The following PFAS variants were observed in gnomAD, a reference collection of about 807,000 sequenced individuals.
PFAS encodes the protein phosphoribosylformylglycinamidine synthase.
PFAS carries 97 observed loss-of-function variants against 140.6 expected under a neutral mutation model. The observed-to-expected ratio is 0.69, with a 90% confidence interval of 0.59 to 0.82. The LOEUF (loss-of-function observed/expected upper bound fraction) is 0.82. Among genes scored for constraint, PFAS ranks in the 40% least tolerant of loss-of-function variants. The probability of loss-of-function intolerance (pLI) is 0.00; values close to 1 mark genes in which losing one functional copy is unlikely to be tolerated. For missense variants in PFAS, 1,656 were observed against 1,780.2 expected, an observed-to-expected ratio of 0.93 and a Z score of 1.26; for synonymous variants, 679 against 718.8, an observed-to-expected ratio of 0.94 and a Z score of 0.88.
In PFAS at chr17:8,268,621, GTGT is replaced by G; in HGVS notation, c.3472_3474del (p.Cys1158del). On this transcript the variant is annotated inframe_deletion, in exon 27 of 28. Coordinates refer to ENST00000314666, the MANE Select transcript of PFAS (RefSeq NM_012393.3). ...GGCCAGACACCTTCAGCCTGGGCGT[GTGT>G]AATGGCTGTCAACTGCTGGCTCTGC... 1 of 1,613,734 alleles carries G rather than the reference GTGT, an allele frequency of 6.2e-7. No individual in the cohort carries two copies. The highest frequency in any genetic ancestry group is 8.5e-7 in the Non-Finnish European group (1 of 1,179,992).
chr17:8,257,834 G>C lies in PFAS; in HGVS notation c.1103G>C (p.Ser368Thr), dbSNP rs1338437197. Residue 368 changes from serine (S) to threonine (T), a missense_variant, in exon 10 of 28, where the codon AGC becomes ACC. Transcript: ENST00000314666. ...TACAATCTGCCCTGGGAGGATCCAA[G>C]CTTCCAGTATCCTGGGAATTTTGCC... ...PGYNLPWEDP[S>T]FQYPGNFARP... 6.2e-7 allele frequency: 1 copy of C among 1,613,858 alleles called. No individual in the cohort carries two copies. The highest frequency in any genetic ancestry group is 8.5e-7 in the Non-Finnish European group (1 of 1,179,772).
intron 15 of PFAS, 53 bp downstream of exon 15, chr17:8,263,989 TG>T: frequency 6.3e-7 from 1 of 1,587,020 alleles, no homozygotes; most frequent in South Asian, 1.1e-5. Context: ...ATGAGCCACC[TG>T]GGTATGGGCT....
At chr17:8,264,167 G>A in intron 15 of PFAS, 45 bp from the exon 16 acceptor site, 1 of 1,609,656 alleles carries the variant, frequency 6.2e-7, no homozygotes, top group Non-Finnish European at 8.5e-7. Context: ...CCTTGCTGGT[G>A]TTCATAGTCT....
rs780733212 is a variant in PFAS, at chr17:8,255,839, C to T, written c.609C>T (p.Tyr203=). 4 of 1,613,990 alleles carry T rather than the reference C, an allele frequency of 2.5e-6. No individual in the cohort carries two copies. The highest frequency in any genetic ancestry group is 1.1e-5 in the South Asian group (1 of 91,084). ...TAGACTCTTGGGACCTAGACTTCTA[C>T]ACCAAGCGCTTCCAGGAGCTACAGC... The part of the protein sequence containing the change: ...LALDSWDLDF[Y]TKRFQELQRN... The change falls in exon 6 of 28, where the codon TAC becomes TAT. Residue 203 remains tyrosine (Y), a synonymous_variant. Transcript: ENST00000314666.
At chr17:8,254,532 G>A (rs991811357) in intron 3 of PFAS, among the ~76,000 whole-genome samples, 5 of 152,276 alleles carry the variant, frequency 3.3e-5, no homozygotes, top group South Asian at 2.1e-4. Flanking sequence ...GGCCAGGCGC[G>A]GTGGCTCACG....
chr17:8,259,209 T>A (rs1989495757), intron 11 of PFAS, among the ~76,000 whole-genome samples: 1 of 150,592 alleles, frequency 6.6e-6, no homozygotes, highest in Admixed American at 6.7e-5. Flanking sequence ...TTAGGTAAAC[T>A]TTTTTTTCTC....
In PFAS at chr17:8,264,034, G is replaced by A. The variant is rs545596577; in HGVS notation, c.1791+98G>A. 41 of 1,500,196 alleles carry A rather than the reference G, an allele frequency of 2.7e-5. No homozygotes were observed. In the African/African-American group the frequency reaches 4.4e-4, roughly 16 times the overall value. The allele number at this position is 1,500,196 out of a possible 1,614,324, so 92.9% of individuals were successfully genotyped here. A position where few individuals can be genotyped will look rare whatever the true frequency, so the allele number is the denominator to read the frequency against. The stretch of plus-strand genomic sequence containing the variant: ...AGCTGTCAAGGGAGAGAGACGAGAG[G>A]AAGATGGGAGGTAGTGGCAAACAAG... On this transcript the variant is annotated intron_variant, in intron 15 of 27. Coordinates refer to ENST00000314666, the MANE Select transcript of PFAS (RefSeq NM_012393.3).
chr17:8,261,331 G>A (rs1286599438), intron 11 of PFAS, among the ~76,000 whole-genome samples: 1 of 151,264 alleles, frequency 6.6e-6, no homozygotes, highest in Non-Finnish European at 1.5e-5. Flanking sequence ...CCGCCTCCCG[G>A]GTTCAAGCAA....
rs1409264416 is a variant in PFAS, at chr17:8,267,384, C to G, written c.3188C>G (p.Pro1063Arg). Residue 1063 changes from proline (P) to arginine (R), a missense_variant, in exon 25 of 28, where the codon CCC (proline) becomes CGC (arginine). Coordinates refer to ENST00000314666, the MANE Select transcript of PFAS (RefSeq NM_012393.3). The surrounding 1 kb of genome is among the most constrained non-coding windows in gnomAD (Gnocchi z 4.9). ...ATTCTCCCCCAAGGTGGTCCCAGCCCCCGAGTCGCCATCTTGCGAGAGGAG... is the reference window on the plus strand; with the variant it reads ...ATTCTCCCCCAAGGTGGTCCCAGCCGCCGAGTCGCCATCTTGCGAGAGGAG... The part of the protein sequence containing the change: ...SVPREPGGPS[P>R]RVAILREEGS... 6.2e-7 allele frequency: 1 copy of G among 1,613,912 alleles called. No individual in the cohort carries two copies. The highest frequency in any genetic ancestry group is 2.2e-5 in the East Asian group (1 of 44,892).
chr17:8,256,163 T>C (rs536762793), intron 6 of PFAS, 104 bp from the exon 7 acceptor site: 4 of 1,098,832 alleles, frequency 3.6e-6, no homozygotes, highest in Non-Finnish European at 5.2e-6. Flanking sequence ...CATCTAAGTA[T>C]GAATTTGGCT....
In PFAS at chr17:8,266,180, G is replaced by A; in HGVS notation, c.2702-54G>A. ...ATGGACTGACTCCGGAAGGTGGGGT[G>A]GGGCTGTCAGGTTTGGGTCCCGAGG... On this transcript the variant is annotated intron_variant, in intron 21 of 27. Coordinates refer to ENST00000314666, the MANE Select transcript of PFAS (RefSeq NM_012393.3). This position sits in a 1 kb window ranked among gnomAD's most constrained non-coding sequence, Gnocchi z 5.0. 4 of 1,606,336 alleles carry A rather than the reference G, an allele frequency of 2.5e-6. No individual in the cohort carries two copies. The highest frequency in any genetic ancestry group is 1.7e-5 in the Admixed American group (1 of 59,590).
intron 20 of PFAS, 95 bp downstream of exon 20, chr17:8,265,734 C>T: frequency 7.3e-7 from 1 of 1,363,164 alleles, no homozygotes; most frequent in South Asian, 1.2e-5. Context: ...CAACACTGGG[C>T]TGTGGTGTTT....
At chr17:8,261,298 G>A (rs183883223) in intron 11 of PFAS, among the ~76,000 whole-genome samples, 172 of 151,276 alleles carry the variant, frequency 1.1e-3, no homozygotes, top group African/African-American at 3.8e-3. Context: ...GTGCAATGGC[G>A]CAATCTCAGC....
Position 8,255,631 on chromosome 17 carries a change from G to T in PFAS, c.514G>T (p.Gly172Cys). Residue 172 changes from glycine (G) to cysteine (C), a missense_variant, in exon 5 of 28, where the codon GGC becomes TGC. This residue lies in a region of PFAS where 773 missense variants were observed against 757.3 expected (regional missense o/e 1.02). Transcript: ENST00000314666. ...TGAGAGCATGCCGGAACCCCTCAAT[G>T]GCCCTATCAATATACTGGGTGAGGG... is the stretch of plus-strand genomic sequence containing the variant. ...SPESMPEPLN[G>C]PINILGEGRL... The T allele has an allele frequency of 6.3e-7, 1 of 1,581,804 alleles. No individual in the cohort carries two copies. Among genetic ancestry groups the T allele is most frequent in the Non-Finnish European group, 8.6e-7 (1 of 1,166,842 alleles).
chr17:8,254,121 G>A, intron 2 of PFAS, 42 bp downstream of exon 2: 2 of 1,613,888 alleles, frequency 1.2e-6, no homozygotes, highest in Non-Finnish European at 8.5e-7. Flanking sequence ...ATGCCTCGGT[G>A]CTGGGGGCAG....
At position 8,253,603 on chromosome 17, in the gene PFAS, G is replaced by A. The variant is rs187393976; in HGVS notation, c.-79-256G>A. Among the ~76,000 whole-genome samples, 1,144 of 152,174 alleles carry A rather than the reference G, an allele frequency of 7.5e-3. 3 individuals carry two copies. Among genetic ancestry groups the A allele is most frequent in the Non-Finnish European group, 0.011 (756 of 68,000 alleles). On this transcript the variant is annotated intron_variant, in intron 1 of 27. Coordinates refer to ENST00000314666, the MANE Select transcript of PFAS (RefSeq NM_012393.3). Reference sequence around the variant, plus strand: ...TGCCCAGGCTGGAGTGCAATGGCGCGATCTCGGCTCACTGCAACCTCTGCC... The same window carrying A: ...TGCCCAGGCTGGAGTGCAATGGCGCAATCTCGGCTCACTGCAACCTCTGCC...
intron 19 of PFAS, 29 bp downstream of exon 19, chr17:8,265,497 G>A (rs371306026): frequency 1.1e-5 from 18 of 1,613,166 alleles, no homozygotes; most frequent in Non-Finnish European, 1.4e-5. Flanking sequence ...AGGGAGGGGA[G>A]GAGGAACTAT....
At position 8,254,091 on chromosome 17, in the gene PFAS, G is replaced by A. The variant is rs1409875075; in HGVS notation, c.142+12G>A. On this transcript the variant is annotated intron_variant, in intron 2 of 27. Transcript: ENST00000314666. ...CGTGAACTGGACAGGTTGGGCCCAG[G>A]TATTAGATTCTTGGGGGACATGCCT... 5.0e-6 allele frequency: 8 copies of A among 1,613,854 alleles called. No homozygotes were observed. The highest frequency in any genetic ancestry group is 6.8e-6 in the Non-Finnish European group (8 of 1,179,870).
chr17:8,268,835 G>C lies in PFAS; in HGVS notation c.3685G>C (p.Val1229Leu). ...LRGMEGAVLPVWSAHGEGYVA... is the reference protein window; with the variant it reads ...LRGMEGAVLPLWSAHGEGYVA... ...AGGGATGGAGGGCGCCGTGCTGCCC[G>C]TGTGGAGTGCGCACGGGGAAGGTCA... Residue 1229 changes from valine to leucine, a missense_variant, in exon 27 of 28, where the codon GTG becomes CTG. By Grantham distance (32) the Val-to-Leu change is conservative. Transcript: ENST00000314666. The C allele has an allele frequency of 6.2e-7, 1 of 1,608,456 alleles. No individual in the cohort carries two copies. Among genetic ancestry groups the C allele is most frequent in the Non-Finnish European group, 8.5e-7 (1 of 1,179,868 alleles).
Sources: gnomAD v4.1 joint callset for allele counts (sites outside exome capture counted in the v4.1 genomes callset) on GRCh38, gnomAD v4.1.1 for gene constraint, gnomAD v4.1.1 regional missense constraint, Gnocchi (gnomAD v3.1) non-coding constraint, MANE v1.5 for transcripts, NCBI Gene and HGNC (gene_info 2026-07-23, HGNC 2026-07-21) for gene names.